Variants in DNAJB4 observed in about 807,000 individuals in gnomAD.
DNAJB4 encodes dnaJ homolog subfamily B member 4.
Under a neutral mutation model 26.6 loss-of-function variants are expected in DNAJB4, and 10 were observed. The ratio of observed to expected loss-of-function variants is 0.38; its 90% CI spans 0.23 to 0.64. The LOEUF (loss-of-function observed/expected upper bound fraction) is 0.64. Ranked by LOEUF, DNAJB4 falls within the 30% of genes least tolerant of loss-of-function variation. The pLI, the probability that DNAJB4 is intolerant of heterozygous loss-of-function variation, is 0.58. For missense variants in DNAJB4, 328 were observed against 408.2 expected (o/e 0.80, Z 1.69); for synonymous variants, 136 against 134.8 (o/e 1.01, Z -0.06).
intron 1 of DNAJB4, among the ~76,000 whole-genome samples, chr1:77,995,301 T>G (rs1660034683): frequency 6.6e-6 from 1 of 152,248 alleles, no homozygotes; most frequent in African/African-American, 2.4e-5. Context: ...GGCTTGCATT[T>G]GTAGCTTGCT....
At chr1:77,983,586 A>G (rs947641859) in intron 1 of DNAJB4, among the ~76,000 whole-genome samples, 1 of 152,166 alleles carries the variant, frequency 6.6e-6, no homozygotes, top group East Asian at 1.9e-4. Flanking sequence ...GGGAGTGGTG[A>G]TGACTCTTAA....
rs373428573 is a variant in DNAJB4 at position 77,998,064 on chromosome 1, C to T, written c.-31-7016C>T. Among the ~76,000 whole-genome samples the T allele has an allele frequency of 2.6e-3, 389 of 152,274 alleles. 2 individuals are homozygous for T. The highest frequency in any genetic ancestry group is 8.9e-3 in the African/African-American group (368 of 41,574). ...TGCTGGGATTACAGGCGTGAGCCAC[C>T]GCACCGGCCTCTGTTTGACTATCTT... On this transcript the variant is annotated intron_variant, in intron 1 of 2. Coordinates refer to the DNAJB4 transcript ENST00000426517.
upstream of DNAJB4, chr1:77,980,095 G>A (rs1270065765): frequency 6.6e-6 from 1 of 152,226 alleles, no homozygotes; most frequent in Non-Finnish European, 1.5e-5. Flanking sequence ...GTGTTAGCCA[G>A]GATGGTCTCG....
upstream of DNAJB4, among the ~76,000 whole-genome samples, chr1:77,979,877 G>C (rs975661510): frequency 6.8e-6 from 1 of 147,758 alleles, no homozygotes; most frequent in East Asian, 1.9e-4. Flanking sequence ...TTTTATTAAG[G>C]GTTTTTTTTT....
intron 1 of DNAJB4, among the ~76,000 whole-genome samples, chr1:78,010,341 G>A (rs1002702102): frequency 3.3e-5 from 5 of 151,768 alleles, no homozygotes; most frequent in African/African-American, 1.2e-4. Flanking sequence ...CATTGGTTGA[G>A]TCACTTTGGT....
At chr1:77,984,820 A>T (rs1375263209) in intron 1 of DNAJB4, among the ~76,000 whole-genome samples, 2 of 152,246 alleles carry the variant, frequency 1.3e-5, no homozygotes, top group Non-Finnish European at 2.9e-5. Context: ...ACTGAAGGGT[A>T]GTTTCACACA....
At chr1:77,994,547 A>T (rs867414128) in intron 1 of DNAJB4, among the ~76,000 whole-genome samples, 5 of 150,200 alleles carry the variant, frequency 3.3e-5, no homozygotes, top group Admixed American at 2.0e-4. Context: ...GGCTACAGAC[A>T]TTTTTTTTCT....
At chr1:77,986,157 T>A (rs1659784951) in intron 1 of DNAJB4, among the ~76,000 whole-genome samples, 1 of 152,176 alleles carries the variant, frequency 6.6e-6, no homozygotes, top group Admixed American at 6.5e-5. Flanking sequence ...ATTCTTGTGC[T>A]CTGTTTATAT....
intron 1 of DNAJB4, among the ~76,000 whole-genome samples, chr1:78,010,802 T>A (rs1660447030): frequency 1.3e-5 from 2 of 152,170 alleles, no homozygotes; most frequent in Admixed American, 1.3e-4. Context: ...GTGATTATAT[T>A]TTACATTGTT....
intron 1 of DNAJB4, among the ~76,000 whole-genome samples, chr1:78,007,297 A>G (rs746788565): frequency 6.6e-6 from 1 of 152,132 alleles, no homozygotes; most frequent in Non-Finnish European, 1.5e-5. Context: ...ATACAATTGA[A>G]TGGGCCAGGC....
intron 1 of DNAJB4, among the ~76,000 whole-genome samples, chr1:78,005,893 T>C (rs1660319360): frequency 6.6e-6 from 1 of 152,200 alleles, no homozygotes; most frequent in Non-Finnish European, 1.5e-5. Context: ...CTTCTAGTTG[T>C]TTTTGGCATT....
intron 1 of DNAJB4, among the ~76,000 whole-genome samples, chr1:77,992,544 G>A (rs1490068316): frequency 6.6e-6 from 1 of 152,076 alleles, no homozygotes; most frequent in African/African-American, 2.4e-5. Flanking sequence ...TGGTCAAGGG[G>A]AACAATACAG....
chr1:77,992,156 G>C (rs1659944827), intron 1 of DNAJB4, among the ~76,000 whole-genome samples: 1 of 152,034 alleles, frequency 6.6e-6, no homozygotes, highest in African/African-American at 2.4e-5. Flanking sequence ...GCTCACGCCT[G>C]TAATCCCAGC....
intron 1 of DNAJB4, among the ~76,000 whole-genome samples, chr1:77,996,551 T>C (rs1660064453): frequency 6.6e-6 from 1 of 152,222 alleles, no homozygotes; most frequent in Non-Finnish European, 1.5e-5. Context: ...TTCTTGTTTT[T>C]TGAAAGGTAG....
chr1:77,979,200 AAG>A (rs1328179487), upstream of DNAJB4: 1 of 586,434 alleles, frequency 1.7e-6, no homozygotes, highest in East Asian at 2.8e-5. Flanking sequence ...AGGGCTGAGA[AAG>A]AACGACAGGA....
intron 2 of DNAJB4, 50 bp from the exon 3 acceptor site, chr1:78,015,964 A>G (rs1571452823): frequency 1.3e-6 from 2 of 1,505,378 alleles, no homozygotes; most frequent in East Asian, 4.7e-5. Flanking sequence ...TTGTGCTTAG[A>G]TTTTTGAGTT....
chr1:77,983,157 G>A (rs553176647), intron 1 of DNAJB4, among the ~76,000 whole-genome samples: 1 of 152,176 alleles, frequency 6.6e-6, no homozygotes, highest in African/African-American at 2.4e-5. Context: ...TCATAGACAA[G>A]GTAAAGGATT....
At chr1:77,980,339 A>ATATATATGTGTG (rs1477495217) in intron 1 of DNAJB4, 9 of 126,072 alleles carry the variant, frequency 7.1e-5, no homozygotes, top group African/African-American at 3.5e-4. Context: ...ATATATATAT[A>ATATATATGTGTG]TGTGTGTGTG....
chr1:78,009,487 C>T (rs1010229690), intron 1 of DNAJB4, among the ~76,000 whole-genome samples: 3 of 152,096 alleles, frequency 2.0e-5, no homozygotes, highest in Admixed American at 2.0e-4. Context: ...TTCTCTGGTG[C>T]GTTTTTTGAT....
Sources: gnomAD v4.1 joint callset for allele counts (sites outside exome capture counted in the v4.1 genomes callset) on GRCh38, gnomAD v4.1.1 for gene constraint, MANE v1.5 for transcripts, NCBI Gene and HGNC (gene_info 2026-07-23, HGNC 2026-07-21) for gene names.